Variants in CACHD1 observed in about 807,000 individuals in gnomAD.
The protein encoded by CACHD1 is cache domain containing 1, also known as VWFA and cache domain-containing protein 1.
A neutral mutation model predicts 138.7 loss-of-function variants in CACHD1; 71 were observed. That is an observed-to-expected ratio of 0.51 (90% CI 0.42 to 0.62). CACHD1 has a LOEUF of 0.62. CACHD1 is among the 20% of genes least tolerant of loss of function. The pLI is 0.00. For missense variants in CACHD1, 1,389 were observed against 1,625.3 expected, an observed-to-expected ratio of 0.85 and a Z score of 2.50; for synonymous variants, 578 against 591.5, an observed-to-expected ratio of 0.98 and a Z score of 0.33.
At chr1:64,635,423 AC>A (rs1648488349) in intron 7 of CACHD1, among the ~76,000 whole-genome samples, 1 of 130,108 alleles carries the variant, frequency 7.7e-6, no homozygotes, top group Non-Finnish European at 1.6e-5. Flanking sequence ...TCACTTTGTC[AC>A]CCAGCCTGGA....
chr1:64,617,213 A>G (rs188353784), intron 4 of CACHD1, among the ~76,000 whole-genome samples: 1 of 152,190 alleles, frequency 6.6e-6, no homozygotes. Context: ...GACCTAGTGA[A>G]TCAGAATGTT....
chr1:64,474,206 TC>T (rs1268687855), intron 1 of CACHD1, among the ~76,000 whole-genome samples: 4 of 152,212 alleles, frequency 2.6e-5, no homozygotes, highest in African/African-American at 9.6e-5. Flanking sequence ...AAAAACCTAA[TC>T]ATCATCTCCT....
chr1:64,570,443 C>T (rs970388220), intron 2 of CACHD1, among the ~76,000 whole-genome samples: 1 of 152,116 alleles, frequency 6.6e-6, no homozygotes, highest in African/African-American at 2.4e-5. Context: ...TTACATGCTG[C>T]GGAGTCATGA....
rs539054952 is a variant in CACHD1, at chr1:64,542,926, G to A, written c.199-7668G>A. Among the ~76,000 whole-genome samples, 47 of 152,032 alleles carry A rather than the reference G, an allele frequency of 3.1e-4. 1 individual carries two copies. The South Asian group carries it at 9.3e-3, about 30-fold the overall frequency. On this transcript the variant is annotated intron_variant, in intron 1 of 26. Transcript: ENST00000651257. ...ACAATATGTTGCAAAGCACCTGAGT[G>A]CATTCCAGGCCCTTGGGATACATGG...
At position 64,647,970 on chromosome 1, in the gene CACHD1, C is replaced by T; in HGVS notation, c.1326C>T (p.Asn442=). 6.2e-7 allele frequency: 1 copy of T among 1,614,100 alleles called. No homozygotes were observed. Among genetic ancestry groups the T allele is most frequent in the Non-Finnish European group, 8.5e-7 (1 of 1,180,008 alleles). ...LETTVGRFYT[N]LPNRMIDEAV... Reference sequence around the variant, plus strand: ...CCACAGTGGGCAGGTTCTACACAAACCTTCCCAACCGGATGATTGATGAAG... The same window carrying T: ...CCACAGTGGGCAGGTTCTACACAAATCTTCCCAACCGGATGATTGATGAAG... The change falls in exon 9 of 27, where the codon AAC becomes AAT. Residue 442 remains asparagine, a synonymous_variant. Transcript: ENST00000651257.
intron 1 of CACHD1, among the ~76,000 whole-genome samples, chr1:64,513,252 C>A (rs1372397001): frequency 6.6e-6 from 1 of 152,166 alleles, no homozygotes; most frequent in East Asian, 1.9e-4. Flanking sequence ...TCTCTGGCCT[C>A]TACCCATTAG....
chr1:64,548,183 A>G (rs1384168149), intron 1 of CACHD1, among the ~76,000 whole-genome samples: 1 of 152,234 alleles, frequency 6.6e-6, no homozygotes, highest in Non-Finnish European at 1.5e-5. Context: ...AGGAGAAGGA[A>G]GTATCTGATT....
chr1:64,493,319 T>C (rs916593477), intron 1 of CACHD1, among the ~76,000 whole-genome samples: 3 of 152,144 alleles, frequency 2.0e-5, no homozygotes, highest in Non-Finnish European at 2.9e-5. Flanking sequence ...GAAGAAATAA[T>C]GAGGTGAAAA....
intron 3 of CACHD1, among the ~76,000 whole-genome samples, chr1:64,586,133 G>A (rs1368570096): frequency 6.6e-6 from 1 of 152,054 alleles, no homozygotes; most frequent in Middle Eastern, 3.2e-3. Flanking sequence ...GCACCGTCTC[G>A]GCTCACTTCA....
At chr1:64,570,001 ACCCCAGC>A in intron 2 of CACHD1, among the ~76,000 whole-genome samples, 1 of 152,238 alleles carries the variant, frequency 6.6e-6, no homozygotes, top group East Asian at 1.9e-4. Flanking sequence ...CCCTCTCCCT[ACCCCAGC>A]CCTACCTGAC....
intron 2 of CACHD1, among the ~76,000 whole-genome samples, chr1:64,573,645 G>A (rs1215744231): frequency 2.0e-5 from 3 of 152,156 alleles, no homozygotes; most frequent in Non-Finnish European, 4.4e-5. Context: ...GCAAATAATG[G>A]TATATTGTGT....
intron 3 of CACHD1, among the ~76,000 whole-genome samples, chr1:64,592,047 C>G (rs892427231): frequency 1.3e-5 from 2 of 152,178 alleles, no homozygotes; most frequent in Non-Finnish European, 2.9e-5. Context: ...AATTAACAAG[C>G]TACTTACCTT....
At chr1:64,666,778 A>C (rs1649646605) in intron 16 of CACHD1, among the ~76,000 whole-genome samples, 1 of 141,356 alleles carries the variant, frequency 7.1e-6, no homozygotes, top group African/African-American at 2.6e-5. Context: ...CAGGAGGCTG[A>C]GGCAGGAGGC....
intron 19 of CACHD1, 29 bp from the exon 20 acceptor site, chr1:64,675,372 T>C: frequency 1.3e-6 from 2 of 1,534,948 alleles, no homozygotes; most frequent in Non-Finnish European, 8.9e-7. Context: ...TTGCTGTCTG[T>C]CATTTCTGAT....
chr1:64,472,351 T>G (rs749890226), intron 1 of CACHD1, among the ~76,000 whole-genome samples: 14 of 152,166 alleles, frequency 9.2e-5, no homozygotes, highest in Non-Finnish European at 1.8e-4. Context: ...GTTACAATTT[T>G]CTTGAGGAAA....
intron 1 of CACHD1, among the ~76,000 whole-genome samples, chr1:64,520,728 G>A (rs1217595137): frequency 1.3e-5 from 2 of 152,110 alleles, no homozygotes; most frequent in South Asian, 2.1e-4. Context: ...CCACATACTC[G>A]GAACCATGTC....
intron 7 of CACHD1, among the ~76,000 whole-genome samples, chr1:64,638,295 C>A (rs1219323423): frequency 6.6e-6 from 1 of 152,200 alleles, no homozygotes; most frequent in African/African-American, 2.4e-5. Context: ...TTAGGTGCCA[C>A]ATGTGAGGTT....
intron 1 of CACHD1, among the ~76,000 whole-genome samples, chr1:64,480,623 G>A (rs1646202696): frequency 6.6e-6 from 1 of 151,916 alleles, no homozygotes; most frequent in Non-Finnish European, 1.5e-5. Context: ...GCAAAGGTAA[G>A]TGGTCAATAA....
At chr1:64,652,528 G>T (rs1166462122) in intron 10 of CACHD1, among the ~76,000 whole-genome samples, 1 of 152,130 alleles carries the variant, frequency 6.6e-6, no homozygotes, top group African/African-American at 2.4e-5. Flanking sequence ...ACGGTTATTT[G>T]TAACATCAGG....
Sources: allele counts gnomAD v4.1 joint callset (sites outside exome capture counted in the v4.1 genomes callset), GRCh38; gene constraint gnomAD v4.1.1; transcripts MANE v1.5; gene names NCBI Gene and HGNC (gene_info 2026-07-23, HGNC 2026-07-21).